HEMK2: variants seen among roughly 807,000 people sequenced by gnomAD.
HEMK2 encodes the protein methyltransferase HEMK2.
At chr21:28,692,975 G>GT in the HEMK2 span, among the ~76,000 whole-genome samples, 1 of 152,136 alleles carries the variant, frequency 6.6e-6, no homozygotes, top group Admixed American at 6.5e-5. Flanking sequence ...ATAGATTAGT[G>GT]TTTTGCCAGC....
At chr21:28,656,294 G>A in the HEMK2 span, among the ~76,000 whole-genome samples, 1 of 151,890 alleles carries the variant, frequency 6.6e-6, no homozygotes, top group Non-Finnish European at 1.5e-5. Flanking sequence ...ACACGGTCTG[G>A]GGAAGTCCAA....
chr21:28,863,573 C>G, the HEMK2 span, among the ~76,000 whole-genome samples: 1 of 150,822 alleles, frequency 6.6e-6, no homozygotes, highest in Non-Finnish European at 1.5e-5. Flanking sequence ...TGTTAACTTA[C>G]AGGAGATCAC....
the HEMK2 span, among the ~76,000 whole-genome samples, chr21:28,586,707 A>T: frequency 6.6e-6 from 1 of 152,234 alleles, no homozygotes; most frequent in Non-Finnish European, 1.5e-5. Flanking sequence ...GAGTATAAAT[A>T]ACAGAAATTT....
chr21:28,662,855 T>C, the HEMK2 span, among the ~76,000 whole-genome samples: 1 of 152,194 alleles, frequency 6.6e-6, no homozygotes, highest in Non-Finnish European at 1.5e-5. Flanking sequence ...CTCAGGTATG[T>C]CTTTATTAGC....
the HEMK2 span, among the ~76,000 whole-genome samples, chr21:28,588,870 C>G: frequency 6.6e-6 from 1 of 151,584 alleles, no homozygotes; most frequent in Non-Finnish European, 1.5e-5. Context: ...GTAGTCCCAG[C>G]TACTCAGGAG....
the HEMK2 span, among the ~76,000 whole-genome samples, chr21:28,732,392 A>G: frequency 6.6e-6 from 1 of 152,244 alleles, no homozygotes; most frequent in African/African-American, 2.4e-5. Flanking sequence ...AGAAGCACAC[A>G]TGGTCTAGTG....
the HEMK2 span, among the ~76,000 whole-genome samples, chr21:28,637,333 T>C: frequency 1.3e-5 from 2 of 152,176 alleles, no homozygotes; most frequent in East Asian, 1.9e-4. Flanking sequence ...GATGTGTTCA[T>C]AGGTTATCAT....
chr21:28,828,696 TCCAG>T, the HEMK2 span, among the ~76,000 whole-genome samples: 3 of 152,156 alleles, frequency 2.0e-5, no homozygotes, highest in African/African-American at 7.2e-5. Context: ...TTCCCTTTCT[TCCAG>T]AAATTCCATG....
chr21:28,710,223 C>A, the HEMK2 span, among the ~76,000 whole-genome samples: 2 of 152,082 alleles, frequency 1.3e-5, no homozygotes, highest in Non-Finnish European at 2.9e-5. Flanking sequence ...AAAACCAACA[C>A]GAAGTGGTTA....
chr21:28,703,333 G>A, the HEMK2 span, among the ~76,000 whole-genome samples: 2 of 151,880 alleles, frequency 1.3e-5, no homozygotes, highest in Non-Finnish European at 2.9e-5. Context: ...AAAAAAAAAG[G>A]TGGGGGAAGG....
chr21:28,739,596 C>T, the HEMK2 span, among the ~76,000 whole-genome samples: 451 of 152,238 alleles, frequency 3.0e-3, 6 homozygotes, highest in African/African-American at 0.01. Flanking sequence ...AATTACTGTC[C>T]GGTCACCCTC....
the HEMK2 span, among the ~76,000 whole-genome samples, chr21:28,860,028 G>A: frequency 6.6e-6 from 1 of 152,156 alleles, no homozygotes; most frequent in African/African-American, 2.4e-5. Flanking sequence ...CAGCACATGT[G>A]TATAGGCTCA....
chr21:28,719,688 C>A, the HEMK2 span, among the ~76,000 whole-genome samples: 1,049 of 152,248 alleles, frequency 6.9e-3, 11 homozygotes, highest in African/African-American at 0.024. Flanking sequence ...GGGCAGTTCA[C>A]CATTATGAAT....
the HEMK2 span, among the ~76,000 whole-genome samples, chr21:28,764,255 G>A: frequency 1.3e-5 from 2 of 152,092 alleles, no homozygotes; most frequent in African/African-American, 2.4e-5. Context: ...TGGGAGTTGT[G>A]TCAGCAGGAC....
chr21:28,778,558 G>A, the HEMK2 span, among the ~76,000 whole-genome samples: 8 of 152,278 alleles, frequency 5.3e-5, 2 homozygotes, highest in African/African-American at 1.9e-4. Context: ...CTATGTAGAA[G>A]TGGTCAAGGT....
the HEMK2 span, among the ~76,000 whole-genome samples, chr21:28,581,146 T>G: frequency 6.6e-6 from 1 of 152,066 alleles, no homozygotes. Context: ...CTTGTCTGAA[T>G]CTGGTGAGAC....
the HEMK2 span, among the ~76,000 whole-genome samples, chr21:28,686,421 CAT>C: frequency 2.6e-5 from 4 of 151,836 alleles, no homozygotes; most frequent in African/African-American, 9.7e-5. Flanking sequence ...TTTTAGTAGA[CAT>C]GGGGTTTCAC....
chr21:28,747,273 A>G, the HEMK2 span, among the ~76,000 whole-genome samples: 2 of 152,206 alleles, frequency 1.3e-5, no homozygotes, highest in Non-Finnish European at 2.9e-5. Context: ...CGGATGGAGG[A>G]GCCCATTCTG....
At chr21:28,764,009 C>T in the HEMK2 span, among the ~76,000 whole-genome samples, 6 of 152,076 alleles carry the variant, frequency 3.9e-5, no homozygotes, top group African/African-American at 9.7e-5. Context: ...ATAGTGTCCC[C>T]CTGGCAGAAC....
Sources: gnomAD v4.1 joint callset for allele counts (sites outside exome capture counted in the v4.1 genomes callset) on GRCh38, gnomAD v4.1.1 for gene constraint, MANE v1.5 for transcripts, NCBI Gene and HGNC (gene_info 2026-07-23, HGNC 2026-07-21) for gene names.